The following SLC6A15 variants were observed in gnomAD, a reference collection of about 807,000 sequenced individuals.
SLC6A15 encodes the protein solute carrier family 6 member 15.
In SLC6A15, 33 loss-of-function variants were observed where a neutral mutation model predicts 68.5. The observed-to-expected ratio is 0.48, with a 90% CI of 0.37 to 0.64. SLC6A15 has a LOEUF of 0.64. SLC6A15 is among the 30% of genes least tolerant of loss of function. SLC6A15 has a pLI of 0.00. For missense variants in SLC6A15, 747 were observed against 874.3 expected (o/e 0.85, Z 1.84); for synonymous variants, 347 against 301.0 (o/e 1.15, Z -1.58).
At chr12:84,869,508 A>G (rs1253992485) in intron 9 of SLC6A15, among the ~76,000 whole-genome samples, 1 of 148,910 alleles carries the variant, frequency 6.7e-6, no homozygotes, top group Non-Finnish European at 1.5e-5. Context: ...ATTGCACACC[A>G]CTGCCCAGCA....
At chr12:84,883,626 T>C (rs1431699596) in intron 5 of SLC6A15, 3 of 1,420,240 alleles carry the variant, frequency 2.1e-6, no homozygotes, top group East Asian at 2.5e-5. Context: ...AAAGATCTTG[T>C]TGAAATAAGG....
chr12:84,867,736 A>C (rs1347915559), intron 9 of SLC6A15: 1 of 152,194 alleles, frequency 6.6e-6, no homozygotes, highest in East Asian at 1.9e-4. Context: ...CCTCAGCAAC[A>C]ATCCACATTT....
rs34335324 is a variant in SLC6A15, at chr12:84,910,928, C to CGTGTGTGTGTGTGTGTGTGT, written c.-189+1575_-189+1594dup. On this transcript the variant is annotated intron_variant, in intron 1 of 11. Transcript: ENST00000266682. ...ATTTGCTGTTGAGCCGCCCTCTTTC[C>CGTGTGTGTGTGTGTGTGTGT]GTGTGTGTGTGTGTGTGTGTGTGTG... Among the ~76,000 whole-genome samples, 131 of 143,546 alleles carry CGTGTGTGTGTGTGTGTGTGT rather than the reference C, an allele frequency of 9.1e-4. 1 individual carries two copies. Among genetic ancestry groups the CGTGTGTGTGTGTGTGTGTGT allele is most frequent in the African/African-American group, 3.2e-3 (114 of 35,324 alleles). 94.2% of individuals were successfully genotyped at this position (143,546 alleles called of 152,430 possible). A position where few individuals can be genotyped will look rare whatever the true frequency, so the allele number is the denominator to read the frequency against.
At chr12:84,863,722 G>A in intron 10 of SLC6A15, 121 bp from the exon 11 acceptor site, 1 of 603,284 alleles carries the variant, frequency 1.7e-6, no homozygotes, top group Non-Finnish European at 2.5e-6. Context: ...ATTTTATACT[G>A]TATCAAAGTT....
In SLC6A15 at chr12:84,892,031, A is replaced by G; in HGVS notation, c.90T>C (p.Ala30=). The change falls in exon 2 of 12, where the codon GCT becomes GCC. Residue 30 remains alanine, a synonymous_variant. Coordinates refer to ENST00000266682, the MANE Select transcript of SLC6A15 (RefSeq NM_182767.6). The part of the protein sequence containing the change: ...VKDLLSNEDA[A]DDAFKTSELI... ...GTTCACTTGTCTTAAAAGCATCATCAGCTGCGTCTTCATTGGAAAGAAGGT... is the reference window on the plus strand; with the variant it reads ...GTTCACTTGTCTTAAAAGCATCATCGGCTGCGTCTTCATTGGAAAGAAGGT... 6.2e-7 allele frequency: 1 copy of G among 1,613,924 alleles called. No homozygotes were observed. Among genetic ancestry groups the G allele is most frequent in the Non-Finnish European group, 8.5e-7 (1 of 1,179,954 alleles).
chr12:84,911,680 C>A (rs151048931), intron 1 of SLC6A15, among the ~76,000 whole-genome samples: 2 of 152,170 alleles, frequency 1.3e-5, no homozygotes, highest in African/African-American at 4.8e-5. Flanking sequence ...TGGTGCGCTA[C>A]GTTAGAGTGC....
At chr12:84,899,406 G>T (rs1393566413) in intron 1 of SLC6A15, among the ~76,000 whole-genome samples, 1 of 152,176 alleles carries the variant, frequency 6.6e-6, no homozygotes, top group African/African-American at 2.4e-5. Flanking sequence ...TTGAGGAGAG[G>T]CACAAAGTGA....
At chr12:84,891,183 T>G (rs1872372998) in intron 2 of SLC6A15, among the ~76,000 whole-genome samples, 1 of 152,200 alleles carries the variant, frequency 6.6e-6, no homozygotes, top group African/African-American at 2.4e-5. Flanking sequence ...ATAATTTTGT[T>G]TAAAATTAAG....
chr12:84,900,933 T>C (rs1404531153), intron 1 of SLC6A15, among the ~76,000 whole-genome samples: 1 of 146,298 alleles, frequency 6.8e-6, no homozygotes, highest in African/African-American at 2.5e-5. Context: ...CATATATACA[T>C]GTATATATGT....
chr12:84,902,858 T>C (rs866415132), intron 1 of SLC6A15, among the ~76,000 whole-genome samples: 1 of 152,068 alleles, frequency 6.6e-6, no homozygotes, highest in Non-Finnish European at 1.5e-5. Flanking sequence ...AGAGGGTAAA[T>C]GGGTGTGCTT....
intron 1 of SLC6A15, among the ~76,000 whole-genome samples, chr12:84,910,570 C>T (rs1873387936): frequency 6.6e-6 from 1 of 152,200 alleles, no homozygotes; most frequent in African/African-American, 2.4e-5. Context: ...GAAAGCGAAA[C>T]ATTTCACAGG....
At chr12:84,891,810 A>G (rs780124708) in intron 2 of SLC6A15, 22 bp downstream of exon 2, 3 of 1,588,138 alleles carry the variant, frequency 1.9e-6, no homozygotes, top group Admixed American at 1.8e-5. Context: ...ACAGTAATTT[A>G]TCACTTAAAA....
At chr12:84,878,308 T>A (rs954881503) in intron 5 of SLC6A15, among the ~76,000 whole-genome samples, 1 of 152,216 alleles carries the variant, frequency 6.6e-6, no homozygotes, top group Non-Finnish European at 1.5e-5. Context: ...TTTGATTTTT[T>A]AAAAAATCAG....
chr12:84,908,601 C>CATATATATATATATATATAT (rs3084056), intron 1 of SLC6A15, among the ~76,000 whole-genome samples: 26 of 140,508 alleles, frequency 1.9e-4, no homozygotes, highest in African/African-American at 4.6e-4. Flanking sequence ...AGTAAAGAAA[C>CATATATATATATATATATAT]ATATATATAT....
chr12:84,876,661 G>T, intron 5 of SLC6A15, 54 bp from the exon 6 acceptor site: 1 of 816,424 alleles, frequency 1.2e-6, no homozygotes, highest in Non-Finnish European at 1.9e-6. Context: ...TTTTTTTATA[G>T]ATAAGATTTT....
chr12:84,896,343 C>A (rs1013396684), intron 1 of SLC6A15, among the ~76,000 whole-genome samples: 2 of 151,722 alleles, frequency 1.3e-5, no homozygotes, highest in Admixed American at 6.6e-5. Context: ...TGCTCATGGA[C>A]CAAATACAAC....
rs1871953328 is a variant in SLC6A15 at position 84,883,952 on chromosome 12, A to G, written c.663T>C (p.Ser221=). ...TGGTCATCTTCCAGTTTAAGCCCCC[A>G]CTTTCAGAAATGGAACTTGAAATAT... The part of the protein sequence containing the change: ...ALNISSSISE[S]GGLNWKMTIC... The change falls in exon 5 of 12, where the codon AGT becomes AGC. Residue 221 remains serine, a synonymous_variant. Coordinates refer to ENST00000266682, the MANE Select transcript of SLC6A15 (RefSeq NM_182767.6). 1 of 1,614,048 alleles carries G rather than the reference A, an allele frequency of 6.2e-7. No homozygotes were observed. The highest frequency in any genetic ancestry group is 1.7e-5 in the Admixed American group (1 of 60,000).
intron 1 of SLC6A15, among the ~76,000 whole-genome samples, chr12:84,895,497 C>T (rs932695815): frequency 1.3e-5 from 2 of 151,204 alleles, no homozygotes; most frequent in African/African-American, 2.4e-5. Flanking sequence ...TACAGGCACC[C>T]GTCCCCATGC....
At chr12:84,882,943 A>G in intron 5 of SLC6A15, 2 of 820,004 alleles carry the variant, frequency 2.4e-6, no homozygotes, top group South Asian at 1.1e-4. Flanking sequence ...GACTACTTCT[A>G]CTATTGCTGC....
Sources: allele counts gnomAD v4.1 joint callset (sites outside exome capture counted in the v4.1 genomes callset), GRCh38; gene constraint gnomAD v4.1.1; transcripts MANE v1.5; gene names NCBI Gene and HGNC (gene_info 2026-07-23, HGNC 2026-07-21).